The following PSD3 variants were observed in gnomAD, a reference collection of about 807,000 sequenced individuals.
PSD3 encodes PH and SEC7 domain-containing protein 3.
A neutral mutation model predicts 105.5 loss-of-function variants in PSD3; 49 were observed. The ratio of observed to expected loss-of-function variants is 0.46; its 90% CI spans 0.37 to 0.59. The LOEUF (loss-of-function observed/expected upper bound fraction) is 0.59, where lower values mean the gene tolerates loss of function less well. Ranked by LOEUF, PSD3 falls within the 20% of genes least tolerant of loss-of-function variation. PSD3 has a pLI of 0.00. For synonymous variants in PSD3, 557 were observed against 457.8 expected (o/e 1.22, Z -2.77); for missense variants, 1,561 against 1,263.8 (o/e 1.24, Z -3.57).
chr8:19,078,036 A>T lies in PSD3; in HGVS notation c.324+6170T>A, dbSNP rs750033135. 3.5e-4 allele frequency among the ~76,000 whole-genome samples: 53 copies of T among 152,212 alleles called. 1 individual carries two copies. The highest frequency in any genetic ancestry group is 3.2e-4 in the Non-Finnish European group (22 of 68,022). On this transcript the variant is annotated intron_variant, in intron 1 of 1. Transcript: ENST00000521475. The stretch of plus-strand genomic sequence containing the variant: ...TCTATAAATCTACAAGGAAAAAAAA[A>T]TTTGTTCTTTTTGAGACACAGTCTT...
intron 6 of PSD3, chr8:18,803,389 C>CTG (rs59427991): frequency 0.33 from 47,570 of 143,174 alleles, 9,055 homozygotes; most frequent in Non-Finnish European, 0.44. Context: ...AATCTATAAA[C>CTG]TGTGTGTGTG....
intron 9 of PSD3, among the ~76,000 whole-genome samples, chr8:18,718,767 G>C (rs533089180): frequency 6.6e-6 from 1 of 152,094 alleles, no homozygotes; most frequent in African/African-American, 2.4e-5. Context: ...GGAGGTCAAG[G>C]AAATTTTATA....
At chr8:19,016,607 T>C (rs1261850537), upstream of PSD3, among the ~76,000 whole-genome samples, 2 of 152,238 alleles carry the variant, frequency 1.3e-5, no homozygotes, top group African/African-American at 4.8e-5. Flanking sequence ...ACATAATATT[T>C]TGTAGTAATA....
At chr8:18,742,174 G>A (rs537047375) in intron 9 of PSD3, among the ~76,000 whole-genome samples, 6 of 152,266 alleles carry the variant, frequency 3.9e-5, no homozygotes, top group Non-Finnish European at 8.8e-5. Flanking sequence ...TAATTTCTTA[G>A]AATCATCTTC....
chr8:18,831,218 G>C (rs1452261030), intron 4 of PSD3, among the ~76,000 whole-genome samples: 1 of 152,174 alleles, frequency 6.6e-6, no homozygotes, highest in Non-Finnish European at 1.5e-5. Context: ...TAACATCTCA[G>C]CTTCCTCATC....
intron 1 of PSD3, among the ~76,000 whole-genome samples, chr8:18,993,106 A>T (rs1440103485): frequency 6.6e-6 from 1 of 152,186 alleles, no homozygotes; most frequent in Admixed American, 6.5e-5. Context: ...TTAAAATTGG[A>T]TTAAAATCCA....
chr8:18,729,069 AG>A (rs1458228608), intron 9 of PSD3, among the ~76,000 whole-genome samples: 1 of 152,196 alleles, frequency 6.6e-6, no homozygotes, highest in Non-Finnish European at 1.5e-5. Flanking sequence ...TCCCACCCAA[AG>A]AAAAAGAACA....
At position 18,630,806 on chromosome 8, in the gene PSD3, T is replaced by G. The variant is rs58257553; in HGVS notation, c.2410+1807A>C. ...CTGTCTGCATTGAATATGTACAGAC[T>G]TTTTTCCTTGTCATTATTCCCCAAA... On this transcript the variant is annotated intron_variant, in intron 11 of 15. Coordinates refer to ENST00000327040, the MANE Select transcript of PSD3 (RefSeq NM_015310.4). Among the ~76,000 whole-genome samples, 21 of 152,036 alleles carry G rather than the reference T, an allele frequency of 1.4e-4. No homozygotes were observed. The East Asian group carries it at 3.7e-3, about 27-fold the overall frequency.
intron 9 of PSD3, among the ~76,000 whole-genome samples, chr8:18,749,467 G>A (rs78411127): frequency 0.018 from 2,678 of 152,280 alleles, 130 homozygotes; most frequent in East Asian, 0.17. Flanking sequence ...AAAGATGCTG[G>A]CCCCCTAAGA....
At chr8:18,774,462 A>C (rs1807842084) in intron 8 of PSD3, 1 of 216,906 alleles carries the variant, frequency 4.6e-6, no homozygotes, top group Admixed American at 5.4e-5. Context: ...TGAACAATAC[A>C]TCGTGTTCCT....
At chr8:18,997,951 C>T (rs990565334) in intron 1 of PSD3, among the ~76,000 whole-genome samples, 1 of 151,874 alleles carries the variant, frequency 6.6e-6, no homozygotes, top group Admixed American at 6.5e-5. Context: ...AACTCATACA[C>T]TGTCTGTCTT....
intron 1 of PSD3, among the ~76,000 whole-genome samples, chr8:18,998,817 A>C (rs1178830743): frequency 1.4e-5 from 1 of 71,430 alleles, no homozygotes; most frequent in Non-Finnish European, 3.4e-5. Flanking sequence ...CAAAGTACAA[A>C]GCACTTTATA....
In PSD3 at chr8:18,966,556, G is replaced by C. The variant is rs189574963; in HGVS notation, c.22-30414C>G. On this transcript the variant is annotated intron_variant, in intron 1 of 15. Coordinates refer to ENST00000327040, the MANE Select transcript of PSD3 (RefSeq NM_015310.4). The stretch of plus-strand genomic sequence containing the variant: ...ACTGAACTCCGGCCTGGGCAACAGA[G>C]AGAGACTGTCTTAAAAAAAAAAAAA... Among the ~76,000 whole-genome samples, 440 of 138,680 alleles carry C rather than the reference G, an allele frequency of 3.2e-3. 1 individual carries two copies. Among genetic ancestry groups the C allele is most frequent in the African/African-American group, 0.011 (427 of 37,410 alleles). 91.0% of individuals were successfully genotyped at this position (138,680 alleles called of 152,430 possible). A position where few individuals can be genotyped will look rare whatever the true frequency, so the allele number is the denominator to read the frequency against.
intron 11 of PSD3, among the ~76,000 whole-genome samples, chr8:18,614,833 G>C (rs1315138313): frequency 2.7e-5 from 4 of 149,264 alleles, no homozygotes; most frequent in African/African-American, 9.9e-5. Context: ...ACGGGGTCTT[G>C]CAATGTTGCC....
chr8:18,675,209 A>G (rs1319127378), intron 9 of PSD3, among the ~76,000 whole-genome samples: 2 of 152,166 alleles, frequency 1.3e-5, no homozygotes, highest in East Asian at 3.9e-4. Flanking sequence ...AAAAAGCTCA[A>G]TAAGGATTCG....
At chr8:18,885,995 T>C (rs1255599744) in intron 2 of PSD3, among the ~76,000 whole-genome samples, 2 of 152,150 alleles carry the variant, frequency 1.3e-5, no homozygotes, top group African/African-American at 4.8e-5. Context: ...TACTAAGCTG[T>C]ACTTCAGGCA....
chr8:18,719,036 G>A (rs1390285773), intron 9 of PSD3, among the ~76,000 whole-genome samples: 1 of 152,208 alleles, frequency 6.6e-6, no homozygotes, highest in African/African-American at 2.4e-5. Context: ...AGTGATAACA[G>A]AGTTATCCTA....
At chr8:19,001,237 G>A (rs996807116) in intron 1 of PSD3, among the ~76,000 whole-genome samples, 1 of 151,768 alleles carries the variant, frequency 6.6e-6, no homozygotes, top group Non-Finnish European at 1.5e-5. Flanking sequence ...TGGGACTACA[G>A]GCTCGCACCA....
chr8:18,936,819 A>G (rs1003057540), intron 1 of PSD3, among the ~76,000 whole-genome samples: 2 of 152,078 alleles, frequency 1.3e-5, no homozygotes, highest in Non-Finnish European at 2.9e-5. Flanking sequence ...ACTGATTATC[A>G]TCACCCACAG....
Sources: allele counts gnomAD v4.1 joint callset (sites outside exome capture counted in the v4.1 genomes callset), GRCh38; gene constraint gnomAD v4.1.1; transcripts MANE v1.5; gene names NCBI Gene and HGNC (gene_info 2026-07-23, HGNC 2026-07-21).